CFH: variants seen among roughly 807,000 people sequenced by gnomAD.
CFH encodes the protein complement factor H.
CFH carries 53 observed loss-of-function variants against 147.3 expected under a neutral mutation model. The observed-to-expected ratio is 0.36, with a 90% CI of 0.29 to 0.45. The LOEUF is 0.45. Among genes scored for constraint, CFH ranks in the 20% least tolerant of loss-of-function variants. CFH has a pLI of 1.00. For missense variants in CFH, 1,380 were observed against 1,498.0 expected, an observed-to-expected ratio of 0.92 and a Z score of 1.30; for synonymous variants, 536 against 489.4, an observed-to-expected ratio of 1.10 and a Z score of -1.26.
At chr1:196,655,370 C>T (rs1019349796) in intron 1 of CFH, among the ~76,000 whole-genome samples, 3 of 152,162 alleles carry the variant, frequency 2.0e-5, no homozygotes, top group African/African-American at 7.2e-5. Context: ...CCAAGGCAAG[C>T]TTTGCTTATT....
At chr1:196,703,722 C>T (rs754450907) in intron 9 of CFH, among the ~76,000 whole-genome samples, 1 of 152,048 alleles carries the variant, frequency 6.6e-6, no homozygotes, top group Non-Finnish European at 1.5e-5. Flanking sequence ...CGGTGGCTCA[C>T]TCCTGTAATG....
At chr1:196,681,391 T>G (rs1207639548) in intron 6 of CFH, among the ~76,000 whole-genome samples, 2 of 151,630 alleles carry the variant, frequency 1.3e-5, no homozygotes, top group African/African-American at 4.8e-5. Flanking sequence ...CATATTTGTT[T>G]TCACAATGAG....
intron 1 of CFH, among the ~76,000 whole-genome samples, chr1:196,665,932 C>A (rs1331146816): frequency 3.3e-5 from 5 of 152,200 alleles, no homozygotes; most frequent in South Asian, 2.1e-4. Flanking sequence ...TGCAAGCCTG[C>A]CAGAGTGAGT....
chr1:196,725,221 A>C lies in CFH; in HGVS notation c.1797A>C (p.Pro599=), dbSNP rs750954536. ...VGEVLKFSCK[P]GFTIVGPNSV... ...AGGTGTTGAAATTCTCCTGCAAACC[A>C]GGATTTACAATAGTTGGACCTAATT... Residue 599 remains proline (P), a synonymous_variant, in exon 12 of 22, where the codon CCA becomes CCC. Transcript: ENST00000367429. The C allele has an allele frequency of 1.2e-6, 2 of 1,613,986 alleles. No homozygotes were observed. The highest frequency in any genetic ancestry group is 1.7e-6 in the Non-Finnish European group (2 of 1,179,890).
intron 17 of CFH, 82 bp downstream of exon 17, chr1:196,737,742 A>G: frequency 8.8e-7 from 1 of 1,138,498 alleles, no homozygotes; most frequent in Admixed American, 1.8e-5. Context: ...GAGGGGAATA[A>G]TTGAGATTAC....
At chr1:196,665,497 T>G (rs1239882127) in intron 1 of CFH, among the ~76,000 whole-genome samples, 1 of 151,980 alleles carries the variant, frequency 6.6e-6, no homozygotes, top group Non-Finnish European at 1.5e-5. Context: ...TAAATTTGTT[T>G]AAACCTAACT....
intron 9 of CFH, among the ~76,000 whole-genome samples, chr1:196,697,186 A>G (rs2149094002): frequency 6.6e-6 from 1 of 152,366 alleles, no homozygotes; most frequent in East Asian, 1.9e-4. Flanking sequence ...GCTTCTGCAC[A>G]GCAAAAGAAA....
intron 15 of CFH, among the ~76,000 whole-genome samples, chr1:196,732,969 A>T (rs1420895316): frequency 2.6e-5 from 4 of 151,952 alleles, no homozygotes; most frequent in African/African-American, 9.7e-5. Context: ...AGTCCATTGT[A>T]TTACCAGCTT....
intron 9 of CFH, among the ~76,000 whole-genome samples, chr1:196,706,441 A>G (rs6428357): frequency 0.62 from 94,697 of 151,804 alleles, 30,104 homozygotes; most frequent in East Asian, 0.95. Context: ...GCCACTAAAG[A>G]GGTGAACAGA....
At chr1:196,664,659 T>C (rs1346960311) in intron 1 of CFH, among the ~76,000 whole-genome samples, 1 of 152,140 alleles carries the variant, frequency 6.6e-6, no homozygotes, top group Non-Finnish European at 1.5e-5. Flanking sequence ...TAACAGAAAA[T>C]ATATACTGAC....
intron 9 of CFH, among the ~76,000 whole-genome samples, chr1:196,694,310 C>T (rs1668173293): frequency 6.6e-6 from 1 of 152,130 alleles, no homozygotes; most frequent in African/African-American, 2.4e-5. Context: ...CCAGCTTCGT[C>T]CATGTCCCTG....
intron 11 of CFH, among the ~76,000 whole-genome samples, chr1:196,716,576 G>T (rs753421457): frequency 4.1e-4 from 63 of 152,098 alleles, no homozygotes; most frequent in Non-Finnish European, 7.6e-4. Context: ...ATGAGTCCAG[G>T]TAGGGTGAGA....
intron 9 of CFH, among the ~76,000 whole-genome samples, chr1:196,690,936 G>T (rs533066561): frequency 2.7e-4 from 41 of 152,232 alleles, no homozygotes; most frequent in African/African-American, 7.9e-4. Flanking sequence ...ATATGAACAT[G>T]CCTAGTCCCA....
chr1:196,656,175 G>A (rs1016102537), intron 1 of CFH, among the ~76,000 whole-genome samples: 9 of 151,798 alleles, frequency 5.9e-5, no homozygotes, highest in East Asian at 1.9e-4. Context: ...GTGGTGGCGC[G>A]TGCCTGTAAT....
chr1:196,699,678 A>T (rs1193377240), intron 9 of CFH, among the ~76,000 whole-genome samples: 2 of 152,188 alleles, frequency 1.3e-5, no homozygotes, highest in African/African-American at 4.8e-5. Context: ...AGGTATGAGG[A>T]ATATGTAGAG....
intron 14 of CFH, among the ~76,000 whole-genome samples, 193 bp downstream of exon 14, chr1:196,727,133 A>G (rs1245834390): frequency 2.0e-5 from 3 of 152,148 alleles, no homozygotes; most frequent in African/African-American, 7.2e-5. Context: ...TAGTAATATA[A>G]TTTTATGAAT....
At chr1:196,707,013 G>T (rs1441945262) in intron 9 of CFH, among the ~76,000 whole-genome samples, 1 of 152,152 alleles carries the variant, frequency 6.6e-6, no homozygotes, top group African/African-American at 2.4e-5. Context: ...CTCAGGTTTA[G>T]GTGGCCTGTC....
intron 3 of CFH, among the ~76,000 whole-genome samples, 200 bp downstream of exon 3, chr1:196,674,162 G>A (rs1037941444): frequency 6.6e-6 from 1 of 152,048 alleles, no homozygotes; most frequent in South Asian, 2.1e-4. Flanking sequence ...TTTAAATGAA[G>A]TATAACTTCT....
chr1:196,681,416 T>C (rs1320331755), intron 6 of CFH, among the ~76,000 whole-genome samples: 6 of 151,490 alleles, frequency 4.0e-5, no homozygotes, highest in Admixed American at 1.3e-4. Context: ...CCATCTGTTT[T>C]TCCCAAATGT....
Sources: gnomAD v4.1 joint callset for allele counts (sites outside exome capture counted in the v4.1 genomes callset) on GRCh38, gnomAD v4.1.1 for gene constraint, MANE v1.5 for transcripts, NCBI Gene and HGNC (gene_info 2026-07-23, HGNC 2026-07-21) for gene names.